The following FHIT variants were observed in gnomAD, a reference collection of about 807,000 sequenced individuals.
FHIT encodes bis(5'-adenosyl)-triphosphatase.
In FHIT, 19 loss-of-function variants were observed where a neutral mutation model predicts 17.9. That is an observed-to-expected ratio of 1.06 (90% CI 0.74 to 1.56). FHIT has a LOEUF of 1.56. Ranked by LOEUF, FHIT falls within the 40% of genes most tolerant of loss-of-function variation. The pLI, the probability that FHIT is intolerant of heterozygous loss-of-function variation, is 0.00. For missense variants in FHIT, 248 were observed against 189.2 expected (o/e 1.31, Z -1.82); for synonymous variants, 81 against 69.7 (o/e 1.16, Z -0.81).
intron 8 of FHIT, among the ~76,000 whole-genome samples, chr3:59,757,065 T>C (rs933599100): frequency 2.0e-5 from 3 of 152,178 alleles, no homozygotes; most frequent in African/African-American, 7.2e-5. Context: ...GTAAGTCACG[T>C]AAGTTAAATG....
intron 4 of FHIT, chr3:60,730,033 C>T: frequency 2.4e-6 from 1 of 420,894 alleles, no homozygotes. Context: ...AGTTTGGAAT[C>T]ATCAGGAAGA....
At chr3:61,050,929 C>T (rs1312275646) in intron 2 of FHIT, among the ~76,000 whole-genome samples, 1 of 152,186 alleles carries the variant, frequency 6.6e-6, no homozygotes. Flanking sequence ...TCTAAGAATG[C>T]TCCAATACTA....
At chr3:59,973,436 A>AT (rs1202988014) in intron 7 of FHIT, among the ~76,000 whole-genome samples, 46 of 152,108 alleles carry the variant, frequency 3.0e-4, no homozygotes, top group African/African-American at 1.1e-3. Flanking sequence ...CCCTCTGCAC[A>AT]TGCTGTATCC....
At chr3:61,161,760 A>G (rs1046200529) in intron 2 of FHIT, among the ~76,000 whole-genome samples, 1 of 152,240 alleles carries the variant, frequency 6.6e-6, no homozygotes, top group African/African-American at 2.4e-5. Context: ...AAGACTCTCT[A>G]GCTAGAGGTT....
chr3:60,365,409 G>C (rs1418538012), intron 5 of FHIT, among the ~76,000 whole-genome samples: 1 of 151,934 alleles, frequency 6.6e-6, no homozygotes, highest in Non-Finnish European at 1.5e-5. Flanking sequence ...TATACTCACT[G>C]AGTTTTAAAT....
chr3:60,129,030 T>A (rs1699394505), intron 5 of FHIT, among the ~76,000 whole-genome samples: 1 of 149,816 alleles, frequency 6.7e-6, no homozygotes, highest in African/African-American at 2.5e-5. Context: ...TAATTTTCCC[T>A]TTTCTTCTTT....
At chr3:60,030,443 G>C (rs1294458295) in intron 5 of FHIT, among the ~76,000 whole-genome samples, 1 of 152,112 alleles carries the variant, frequency 6.6e-6, no homozygotes, top group Non-Finnish European at 1.5e-5. Flanking sequence ...CCAGCATATG[G>C]AGCCCAGGTT....
chr3:60,921,369 G>C (rs1336543796), intron 3 of FHIT, among the ~76,000 whole-genome samples: 6 of 152,102 alleles, frequency 3.9e-5, no homozygotes, highest in African/African-American at 1.4e-4. Context: ...TTGTAAATAA[G>C]GCTGGGTTGA....
Position 60,221,420 on chromosome 3 carries a change from T to G in FHIT, c.104-207268A>C, listed in dbSNP as rs544459073. Among the ~76,000 whole-genome samples the G allele has an allele frequency of 5.9e-5, 9 of 152,276 alleles. No homozygotes were observed. In the East Asian group the frequency reaches 1.7e-3, roughly 29 times the overall value. On this transcript the variant is annotated intron_variant, in intron 5 of 9. Coordinates refer to ENST00000492590, the MANE Select transcript of FHIT (RefSeq NM_002012.4). ...CAAGGGTTCCCTTAACAGAGATGCC[T>G]GCCTCTATCCATCCTCCTACAGCCC...
chr3:60,063,419 A>C (rs1251215359), intron 5 of FHIT, among the ~76,000 whole-genome samples: 1 of 152,196 alleles, frequency 6.6e-6, no homozygotes, highest in Non-Finnish European at 1.5e-5. Context: ...TAGTCCATCC[A>C]AATTCACATT....
intron 5 of FHIT, among the ~76,000 whole-genome samples, chr3:60,251,368 T>C (rs1705702769): frequency 6.6e-6 from 1 of 152,184 alleles, no homozygotes; most frequent in African/African-American, 2.4e-5. Context: ...TCAACCACTG[T>C]TCAGTGATGG....
At chr3:60,563,948 G>C (rs1248905039) in intron 4 of FHIT, among the ~76,000 whole-genome samples, 1 of 152,176 alleles carries the variant, frequency 6.6e-6, no homozygotes. Flanking sequence ...ATAGATTTTC[G>C]ATAGTGACAA....
chr3:60,537,284 T>C (rs2107600073), intron 4 of FHIT, among the ~76,000 whole-genome samples: 1 of 152,284 alleles, frequency 6.6e-6, no homozygotes, highest in Admixed American at 6.5e-5. Flanking sequence ...TTAACTCAAA[T>C]CCACAAGGCC....
intron 4 of FHIT, among the ~76,000 whole-genome samples, chr3:60,538,466 A>G (rs2036067033): frequency 6.6e-6 from 1 of 152,220 alleles, no homozygotes; most frequent in Non-Finnish European, 1.5e-5. Flanking sequence ...GAACCAAAAA[A>G]GAACCTGCAT....
At chr3:59,870,374 C>T (rs1702862983) in intron 8 of FHIT, among the ~76,000 whole-genome samples, 2 of 152,208 alleles carry the variant, frequency 1.3e-5, no homozygotes, top group South Asian at 4.1e-4. Context: ...CTCAGGTAGT[C>T]TCATATTTTA....
intron 4 of FHIT, among the ~76,000 whole-genome samples, chr3:60,816,768 C>T (rs1224943987): frequency 6.6e-6 from 1 of 151,796 alleles, no homozygotes; most frequent in Non-Finnish European, 1.5e-5. Flanking sequence ...AGGAGTTGCT[C>T]CTCTTCAATT....
At chr3:60,593,339 C>T (rs1448213207) in intron 4 of FHIT, among the ~76,000 whole-genome samples, 3 of 152,052 alleles carry the variant, frequency 2.0e-5, no homozygotes, top group Non-Finnish European at 4.4e-5. Context: ...TAGCACTAGC[C>T]CAGGTGACCT....
At chr3:60,343,570 T>C (rs182255000) in intron 5 of FHIT, among the ~76,000 whole-genome samples, 1 of 152,316 alleles carries the variant, frequency 6.6e-6, no homozygotes, top group Admixed American at 6.5e-5. Flanking sequence ...GATATGCTAC[T>C]AATACCACCC....
chr3:59,995,816 T>G (rs1699484354), intron 7 of FHIT, among the ~76,000 whole-genome samples: 1 of 152,070 alleles, frequency 6.6e-6, no homozygotes, highest in South Asian at 2.1e-4. Flanking sequence ...CTTGCTTAGA[T>G]AGCTTAGGAA....
Sources: gnomAD v4.1 joint callset for allele counts (sites outside exome capture counted in the v4.1 genomes callset) on GRCh38, gnomAD v4.1.1 for gene constraint, MANE v1.5 for transcripts, NCBI Gene and HGNC (gene_info 2026-07-23, HGNC 2026-07-21) for gene names.